The following MAGEC3 variants were observed in gnomAD, a reference collection of about 807,000 sequenced individuals.
MAGEC3 encodes the protein melanoma-associated antigen C3.
MAGEC3 carries 34 observed loss-of-function variants against 35.3 expected under a neutral mutation model. The ratio of observed to expected loss-of-function variants is 0.96; its 90% CI spans 0.73 to 1.28. The LOEUF (loss-of-function observed/expected upper bound fraction) is 1.28, where lower values mean the gene tolerates loss of function less well. Among genes scored for constraint, MAGEC3 ranks in the 50% most tolerant of loss-of-function variants. The probability of loss-of-function intolerance (pLI) is 0.00; values close to 1 mark genes in which losing one functional copy is unlikely to be tolerated. For synonymous variants in MAGEC3, 202 were observed against 185.6 expected (o/e 1.09, Z -0.72); for missense variants, 561 against 483.6 (o/e 1.16, Z -1.50).
At chrX:141,858,294 T>C (rs1179679786) in intron 1 of MAGEC3, among the ~76,000 whole-genome samples, 1 of 110,651 alleles carries the variant, frequency 9.0e-6, no homozygotes, top group African/African-American at 3.3e-5. Context: ...AAAGGAAGGG[T>C]CAAGTTTGTC....
intron 1 of MAGEC3, among the ~76,000 whole-genome samples, chrX:141,848,134 T>A (rs2017728434): frequency 9.1e-6 from 1 of 109,991 alleles, no homozygotes; most frequent in South Asian, 3.8e-4. Context: ...TGTATACACA[T>A]ACATGTGTAT....
chrX:141,838,934 G>T (rs2017669630), intron 1 of MAGEC3: 1 of 646,053 alleles, frequency 1.5e-6, no homozygotes, highest in Non-Finnish European at 1.8e-6. Context: ...ATGGTACTTT[G>T]TTGTAGCTGC....
At position 141,876,586 on chromosome X, in the gene MAGEC3, C is replaced by T. The variant is rs1181739704; in HGVS notation, c.259-2589C>T. 5.4e-5 allele frequency among the ~76,000 whole-genome samples: 6 copies of T among 111,962 alleles called. No homozygotes were observed. The South Asian group carries it at 1.1e-3, about 21-fold the overall frequency. Reference sequence around the variant, plus strand: ...CAGATGCTCTAATTTACTCATACTGCGAACTTGCTTAAAGATAATTTATAC... The same window carrying T: ...CAGATGCTCTAATTTACTCATACTGTGAACTTGCTTAAAGATAATTTATAC... On this transcript the variant is annotated intron_variant, in intron 2 of 7. Transcript: ENST00000298296.
At chrX:141,849,656 C>T (rs2017738585) in intron 1 of MAGEC3, among the ~76,000 whole-genome samples, 1 of 111,146 alleles carries the variant, frequency 9.0e-6, no homozygotes, top group African/African-American at 3.3e-5. Flanking sequence ...CATCACAAAT[C>T]ATCAGAGAAA....
At chrX:141,878,686 C>A (rs1254267346) in intron 2 of MAGEC3, among the ~76,000 whole-genome samples, 1 of 112,271 alleles carries the variant, frequency 8.9e-6, no homozygotes, top group East Asian at 2.8e-4. Context: ...TGGTGAGACA[C>A]CCCTCCCAAG....
intron 1 of MAGEC3, among the ~76,000 whole-genome samples, chrX:141,851,011 T>C (rs1210397467): frequency 1.8e-5 from 2 of 111,319 alleles, no homozygotes; most frequent in African/African-American, 6.5e-5. Context: ...ACCAAGCTTT[T>C]TTAAGAAAAA....
intron 3 of MAGEC3, chrX:141,880,774 C>G (rs750600079): frequency 6.3e-6 from 6 of 948,776 alleles, no homozygotes; most frequent in South Asian, 4.2e-5. Flanking sequence ...AGGGGACAAA[C>G]CCCCTAGGAT....
intron 3 of MAGEC3, chrX:141,880,515 C>T (rs112021551): frequency 0.067 from 13,581 of 202,455 alleles, 726 homozygotes; most frequent in African/African-American, 0.22. Context: ...TGCAGGTGCT[C>T]CAGGAACCAG....
rs930899006 is a variant in MAGEC3, at chrX:141,881,892, G to A, written c.909+96G>A. Reference sequence around the variant, plus strand: ...GACATTACCTGGAGTAGCGACATGTGCCCAGTAGTGCTCCTCCACGTTATG... The same window carrying A: ...GACATTACCTGGAGTAGCGACATGTACCCAGTAGTGCTCCTCCACGTTATG... On this transcript the variant is annotated intron_variant, in intron 4 of 7. Transcript: ENST00000298296. 2.9e-6 allele frequency: 3 copies of A among 1,027,744 alleles called. No individual in the cohort carries two copies. In the African/African-American group the frequency reaches 5.6e-5, roughly 19 times the overall value. 84.7% of individuals were successfully genotyped at this position (1,027,744 alleles called of 1,213,427 possible).
intron 6 of MAGEC3, chrX:141,896,515 A>C: frequency 8.4e-7 from 1 of 1,189,003 alleles, no homozygotes; most frequent in East Asian, 3.0e-5. Context: ...GCTGTAAGCC[A>C]GCCTTTGTCA....
chrX:141,884,227 C>T (rs757998886), intron 4 of MAGEC3, among the ~76,000 whole-genome samples: 1 of 112,304 alleles, frequency 8.9e-6, no homozygotes, highest in Non-Finnish European at 1.9e-5. Flanking sequence ...TGCATGGGCA[C>T]AATCTAATCA....
At chrX:141,843,617 A>G (rs2017699013) in intron 1 of MAGEC3, among the ~76,000 whole-genome samples, 3 of 110,794 alleles carry the variant, frequency 2.7e-5, no homozygotes, top group Admixed American at 1.9e-4. Context: ...TCCAGAAGAA[A>G]TATCAGACAT....
intron 3 of MAGEC3, 82 bp from the exon 4 acceptor site, chrX:141,881,321 C>CCTT: frequency 2.7e-6 from 3 of 1,109,137 alleles, no homozygotes; most frequent in East Asian, 6.0e-5. Context: ...GGTTCCCTGT[C>CCTT]CTGCTCCTCC....
intron 1 of MAGEC3, among the ~76,000 whole-genome samples, chrX:141,865,223 G>T (rs2017840447): frequency 9.0e-6 from 1 of 110,898 alleles, no homozygotes; most frequent in African/African-American, 3.3e-5. Context: ...TAAAATTATT[G>T]AGGATGTCTG....
At chrX:141,859,493 T>G (rs2124095203) in intron 1 of MAGEC3, among the ~76,000 whole-genome samples, 1 of 111,777 alleles carries the variant, frequency 8.9e-6, no homozygotes, top group South Asian at 3.7e-4. Context: ...GTAGGAGACC[T>G]TGGACATTAC....
chrX:141,864,316 CAA>C (rs3972654), intron 1 of MAGEC3, among the ~76,000 whole-genome samples: 10 of 32,280 alleles, frequency 3.1e-4, no homozygotes, highest in African/African-American at 7.2e-4. Context: ...CTCATCTCTA[CAA>C]AAAAAAAAAA....
At chrX:141,868,796 C>T (rs1035590945) in intron 2 of MAGEC3, among the ~76,000 whole-genome samples, 31 of 109,225 alleles carry the variant, frequency 2.8e-4, no homozygotes, top group Non-Finnish European at 5.1e-4. Flanking sequence ...AATACGAGGT[C>T]GATTTTTCAA....
intron 3 of MAGEC3, 100 bp from the exon 4 acceptor site, chrX:141,881,303 C>T (rs1569474707): frequency 2.0e-5 from 20 of 1,023,554 alleles, no homozygotes; most frequent in Non-Finnish European, 2.5e-5. Flanking sequence ...CCCCAGGGTC[C>T]TCTCCAGGGT....
chrX:141,858,399 A>T (rs2017794863), intron 1 of MAGEC3, among the ~76,000 whole-genome samples: 1 of 110,998 alleles, frequency 9.0e-6, no homozygotes, highest in African/African-American at 3.3e-5. Context: ...GGGGAAGCGC[A>T]TTTTGTTACA....
Sources: gnomAD v4.1 joint callset for allele counts (sites outside exome capture counted in the v4.1 genomes callset) on GRCh38, gnomAD v4.1.1 for gene constraint, MANE v1.5 for transcripts, NCBI Gene and HGNC (gene_info 2026-07-23, HGNC 2026-07-21) for gene names.